The following CAMK2G variants were observed in gnomAD, a reference collection of about 807,000 sequenced individuals.
CAMK2G encodes the protein calcium/calmodulin-dependent protein kinase type II subunit gamma.
CAMK2G carries 23 observed loss-of-function variants against 88.7 expected under a neutral mutation model. The ratio of observed to expected loss-of-function variants is 0.26; its 90% confidence interval spans 0.19 to 0.37. The LOEUF (loss-of-function observed/expected upper bound fraction) is 0.37, where lower values mean the gene tolerates loss of function less well. Among genes scored for constraint, CAMK2G ranks in the 10% least tolerant of loss-of-function variants. The pLI is 1.00. For synonymous variants in CAMK2G, 263 were observed against 294.8 expected, an observed-to-expected ratio of 0.89 and a Z score of 1.11; for missense variants, 476 against 780.8, an observed-to-expected ratio of 0.61 and a Z score of 4.65.
chr10:73,827,445 C>T (rs1171320470), intron 15 of CAMK2G, among the ~76,000 whole-genome samples: 5 of 152,234 alleles, frequency 3.3e-5, no homozygotes, highest in African/African-American at 1.2e-4. Context: ...TCCCAAAGTG[C>T]TAGGATTACA....
At chr10:73,814,966 G>A in intron 22 of CAMK2G, 37 bp downstream of exon 22, 1 of 1,418,422 alleles carries the variant, frequency 7.1e-7, no homozygotes, top group Non-Finnish European at 9.8e-7. Context: ...CCTATCCCAG[G>A]CCCTTCCAGC....
At chr10:73,822,299 C>T (rs2089192846) in intron 17 of CAMK2G, among the ~76,000 whole-genome samples, 2 of 152,176 alleles carry the variant, frequency 1.3e-5, no homozygotes, top group African/African-American at 4.8e-5. Context: ...TCCTGAGTAG[C>T]TGGGATTACA....
rs141532464 is a variant in CAMK2G, at chr10:73,857,616, T to C, written c.220+3214A>G. On this transcript the variant is annotated intron_variant, in intron 3 of 22. Transcript: ENST00000423381. ...CACATAAAAGTTTGAGAAGTGCTGC[T>C]CTAAACCACAATGCTAGACTATGAT... Among the ~76,000 whole-genome samples, 3 of 152,318 alleles carry C rather than the reference T, an allele frequency of 2.0e-5. No individual in the cohort carries two copies. In the East Asian group the frequency reaches 5.8e-4, roughly 29 times the overall value.
At chr10:73,847,008 G>C (rs1005474690) in intron 10 of CAMK2G, 40 of 539,448 alleles carry the variant, frequency 7.4e-5, no homozygotes, top group Middle Eastern at 4.9e-4. Flanking sequence ...AGCCATGAGT[G>C]GGGGAGAGAG....
At chr10:73,826,510 A>G (rs1439129141) in intron 15 of CAMK2G, among the ~76,000 whole-genome samples, 2 of 152,174 alleles carry the variant, frequency 1.3e-5, no homozygotes, top group African/African-American at 4.8e-5. Flanking sequence ...GGAAGATGGA[A>G]GAAAGGAAGA....
At chr10:73,865,277 A>T (rs2095543668) in intron 2 of CAMK2G, among the ~76,000 whole-genome samples, 1 of 152,082 alleles carries the variant, frequency 6.6e-6, no homozygotes, top group Non-Finnish European at 1.5e-5. Flanking sequence ...ACCTGTGTCT[A>T]CAGTCTGCAG....
chr10:73,815,028 G>A lies in CAMK2G; in HGVS notation c.1754C>T (p.Ala585Val). 7.4e-6 allele frequency: 12 copies of A among 1,613,136 alleles called. No individual in the cohort carries two copies. The highest frequency in any genetic ancestry group is 1.0e-5 in the Non-Finnish European group (12 of 1,179,528). ...CTGTGGCTGAGCTCACTGCAGCGGT[G>A]CGGCAGGGGCCCCTGAGCAGTGATA... The part of the protein sequence containing the change: ...VHYHCSGAPA[A>V]PLQ Residue 585 changes from alanine to valine, a missense_variant, in exon 22 of 23, where the codon GCA becomes GTA. Physicochemically the swap from Ala to Val is moderately conservative, Grantham distance 64. This residue lies in a region of CAMK2G where 278 missense variants were observed against 366.5 expected (regional missense o/e 0.76). Coordinates refer to ENST00000423381, the MANE Select transcript of CAMK2G (RefSeq NM_001367534.1).
chr10:73,829,700 GGTGTGTGTGTGTGTGTGT>G (rs60725888), intron 14 of CAMK2G, among the ~76,000 whole-genome samples: 8 of 138,370 alleles, frequency 5.8e-5, no homozygotes, highest in Non-Finnish European at 1.1e-4. Flanking sequence ...TAAGTAGTGG[GGTGTGTGTGTGTGTGTGT>G]GTGTGTGTGT....
intron 3 of CAMK2G, among the ~76,000 whole-genome samples, chr10:73,855,557 C>T (rs2094966621): frequency 6.6e-6 from 1 of 152,224 alleles, no homozygotes; most frequent in African/African-American, 2.4e-5. Context: ...ACCACCCTGC[C>T]CCCGCCCAGC....
At chr10:73,854,534 C>G (rs2135241886) in intron 3 of CAMK2G, among the ~76,000 whole-genome samples, 1 of 152,284 alleles carries the variant, frequency 6.6e-6, no homozygotes, top group East Asian at 1.9e-4. Context: ...TGCTCCAAGC[C>G]TTGGCAGTTA....
intron 3 of CAMK2G, among the ~76,000 whole-genome samples, chr10:73,855,872 G>A (rs2094991914): frequency 6.6e-6 from 1 of 152,202 alleles, no homozygotes; most frequent in South Asian, 2.1e-4. Context: ...AAATTAACAG[G>A]ACACTGAAGA....
chr10:73,823,955 G>T, intron 17 of CAMK2G, 85 bp downstream of exon 17: 1 of 1,033,716 alleles, frequency 9.7e-7, no homozygotes, highest in Non-Finnish European at 1.5e-6. Context: ...CTTGGCCTCA[G>T]GGTGCAGCCT....
chr10:73,816,741 A>G lies in CAMK2G; in HGVS notation c.1534+282T>C, dbSNP rs146637926. On this transcript the variant is annotated intron_variant, in intron 21 of 22. Coordinates refer to ENST00000423381, the MANE Select transcript of CAMK2G (RefSeq NM_001367534.1). ...CCCAAAGTGTTGGGATTACAGGCGT[A>G]AGCCACCGCGCCCGGCAAGAAATAA... 1.1e-3 allele frequency: 1,506 copies of G among 1,377,174 alleles called. 17 individuals are homozygous for G. In the African/African-American group the frequency reaches 0.018, roughly 17 times the overall value. The allele number at this position is 1,377,174 out of a possible 1,614,324, so 85.3% of individuals were successfully genotyped here. A position where few individuals can be genotyped will look rare whatever the true frequency, so the allele number is the denominator to read the frequency against.
intron 5 of CAMK2G, among the ~76,000 whole-genome samples, chr10:73,850,709 G>A (rs2094554287): frequency 6.6e-6 from 1 of 152,202 alleles, no homozygotes; most frequent in Admixed American, 6.5e-5. Context: ...GGGTGGCCTG[G>A]ACTTACTATT....
intron 3 of CAMK2G, among the ~76,000 whole-genome samples, chr10:73,858,572 C>T (rs955820399): frequency 6.6e-6 from 1 of 152,110 alleles, no homozygotes; most frequent in Admixed American, 6.5e-5. Context: ...AATCGGTCCT[C>T]GGACCAACCT....
chr10:73,872,458 G>A (rs1249445488), intron 2 of CAMK2G, among the ~76,000 whole-genome samples: 3 of 152,256 alleles, frequency 2.0e-5, no homozygotes, highest in Non-Finnish European at 4.4e-5. Context: ...GGCAGAATTT[G>A]TTCCTGAGAA....
chr10:73,862,309 C>G (rs1002561456), intron 2 of CAMK2G, among the ~76,000 whole-genome samples: 28 of 139,336 alleles, frequency 2.0e-4, no homozygotes, highest in South Asian at 5.1e-4. Context: ...CCCCCCCCCC[C>G]CCGATTTCCC....
At chr10:73,829,686 T>TACATA (rs2092029885) in intron 14 of CAMK2G, among the ~76,000 whole-genome samples, 1 of 150,242 alleles carries the variant, frequency 6.7e-6, no homozygotes, top group Non-Finnish European at 1.5e-5. Flanking sequence ...TATATTCATA[T>TACATA]ATATAAGTAG....
At position 73,813,466 on chromosome 10, in the gene CAMK2G, C is replaced by G. The variant is rs1401380463; in HGVS notation, c.*1052G>C. On this transcript the variant is annotated 3_prime_UTR_variant, in exon 23 of 23. Transcript: ENST00000423381. ...GAATGCATAGAAACGACCACCACCT[C>G]TTCTCCCACTGCCTCACTCCTCCCA... The G allele has an allele frequency of 6.5e-6, 1 of 152,724 alleles. No homozygotes were observed. The highest frequency in any genetic ancestry group is 1.5e-5 in the Non-Finnish European group (1 of 68,112). The allele number at this position is 152,724 out of a possible 1,614,324, so 9.5% of individuals were successfully genotyped here.
Sources: allele counts gnomAD v4.1 joint callset (sites outside exome capture counted in the v4.1 genomes callset), GRCh38; gene constraint gnomAD v4.1.1; regional missense constraint gnomAD v4.1.1; transcripts MANE v1.5; gene names NCBI Gene and HGNC (gene_info 2026-07-23, HGNC 2026-07-21).